Variants in INTS1 observed in about 807,000 individuals in gnomAD.
INTS1 encodes integrator complex subunit 1.
In INTS1, 137 loss-of-function variants were observed where a neutral mutation model predicts 241.6. The ratio of observed to expected loss-of-function variants is 0.57; its 90% CI spans 0.49 to 0.65. The LOEUF is 0.65. Among genes scored for constraint, INTS1 ranks in the 30% least tolerant of loss-of-function variants. The probability of loss-of-function intolerance (pLI) is 0.00; values close to 1 mark genes in which losing one functional copy is unlikely to be tolerated. For missense variants in INTS1, 3,073 were observed against 3,032.2 expected (o/e 1.01, Z -0.32); for synonymous variants, 1,692 against 1,337.8 (o/e 1.26, Z -5.78).
At chr7:1,495,389 T>A in intron 13 of INTS1, 44 bp downstream of exon 13, 1 of 1,578,622 alleles carries the variant, frequency 6.3e-7, no homozygotes, top group Non-Finnish European at 8.6e-7. Context: ...TTGTCCCGGC[T>A]CAGTGGGGTG....
At position 1,498,995 on chromosome 7, in the gene INTS1, T is replaced by C; in HGVS notation, c.1117A>G (p.Met373Val). Residue 373 changes from methionine (M) to valine (V), a missense_variant, in exon 8 of 48, where the codon ATG becomes GTG. Transcript: ENST00000404767. ...CGCACCTTGGGGTTCTGCAGCCACA[T>C]CTCCAGCTTCTGCACCGCCAGCAGC... ...VRLLAVQKLE[M>V]WLQNPKLTRP... 1 of 1,283,330 alleles carries C rather than the reference T, an allele frequency of 7.8e-7. No homozygotes were observed. The highest frequency in any genetic ancestry group is 1.0e-6 in the Non-Finnish European group (1 of 988,862). 79.5% of individuals were successfully genotyped at this position (1,283,330 alleles called of 1,614,324 possible). A position where few individuals can be genotyped will look rare whatever the true frequency, so the allele number is the denominator to read the frequency against.
Position 1,477,956 on chromosome 7 carries a change from AC to A in INTS1, c.4631-21del. Reference sequence around the variant, plus strand: ...GGAGGACTGCGCAAGGGACAAAGAGACATGTGGGTCACTCCCAGGTCGGGTG... The same window carrying A: ...GGAGGACTGCGCAAGGGACAAAGAGAATGTGGGTCACTCCCAGGTCGGGTG... On this transcript the variant is annotated intron_variant, in intron 33 of 47. Transcript: ENST00000404767. 6.2e-7 allele frequency: 1 copy of A among 1,609,742 alleles called. No homozygotes were observed.
chr7:1,485,629 A>G, intron 22 of INTS1, 160 bp from the exon 23 acceptor site: 2 of 702,228 alleles, frequency 2.8e-6, no homozygotes, highest in Non-Finnish European at 4.6e-6. Flanking sequence ...AACGAGACTG[A>G]GCTCTTTCTG....
intron 39 of INTS1, 39 bp from the exon 40 acceptor site, chr7:1,474,877 C>G (rs763765156): frequency 4.5e-6 from 7 of 1,543,968 alleles, no homozygotes; most frequent in Admixed American, 3.9e-5. Context: ...GCCGCTGGCT[C>G]CCCTCACTTG....
At position 1,504,320 on chromosome 7, in the gene INTS1, T is replaced by G; in HGVS notation, c.-42+3A>C. The G allele has an allele frequency of 7.7e-6, 4 of 516,874 alleles. No individual in the cohort carries two copies. Among genetic ancestry groups the G allele is most frequent in the Non-Finnish European group, 1.1e-5 (3 of 271,726 alleles). The allele number at this position is 516,874 out of a possible 1,614,324, so 32.0% of individuals were successfully genotyped here. On this transcript the variant is annotated splice_donor_region_variant and intron_variant, in intron 1 of 47. Coordinates refer to ENST00000404767, the MANE Select transcript of INTS1 (RefSeq NM_001080453.3). ...GGAAGCGCCCAGGCCGCGGCTCACT[T>G]ACCTCTGGCCCATCGCGACCGGAGC...
chr7:1,480,835 C>T lies in INTS1; in HGVS notation c.3949G>A (p.Asp1317Asn). 6.4e-7 allele frequency: 1 copy of T among 1,550,652 alleles called. No individual in the cohort carries two copies. Among genetic ancestry groups the T allele is most frequent in the Non-Finnish European group, 8.7e-7 (1 of 1,147,944 alleles). The part of the protein sequence containing the change: ...LLTASLPPRR[D>N]STEAPKPKSS... The stretch of plus-strand genomic sequence containing the variant: ...TGCTGGCCCCACCCCTCCCCAGTAC[C>T]TCGGCGGGGCGGCAGGGAGGCTGTG... The change falls in exon 29 of 48, where the codon GAC becomes AAC. Residue 1317 changes from aspartate (D) to asparagine (N), a missense_variant and splice_region_variant. Asp to Asn is a conservative substitution (Grantham distance 23). Coordinates refer to ENST00000404767, the MANE Select transcript of INTS1 (RefSeq NM_001080453.3).
chr7:1,498,264 G>GT (rs1782959397), intron 10 of INTS1, 148 bp downstream of exon 10: 1 of 1,246,286 alleles, frequency 8.0e-7, no homozygotes, highest in South Asian at 1.4e-5. Flanking sequence ...TCATGCCCAC[G>GT]TGAGTTTCAA....
intron 31 of INTS1, 145 bp from the exon 32 acceptor site, chr7:1,479,030 TC>T (rs1416591914): frequency 1.1e-6 from 1 of 927,488 alleles, no homozygotes; most frequent in Non-Finnish European, 1.6e-6. Flanking sequence ...CCGCCTCCTG[TC>T]TGAAACGGTG....
chr7:1,471,382 G>T (rs1234223497), intron 45 of INTS1, among the ~76,000 whole-genome samples, 158 bp from the exon 46 acceptor site: 1 of 152,146 alleles, frequency 6.6e-6, no homozygotes, highest in Admixed American at 6.5e-5. Context: ...TCCCAGCCCG[G>T]GGCTGAAGGC....
chr7:1,473,971 G>A (rs1408319347), intron 41 of INTS1, among the ~76,000 whole-genome samples, 197 bp downstream of exon 41: 2 of 152,256 alleles, frequency 1.3e-5, no homozygotes, highest in East Asian at 3.9e-4. Flanking sequence ...GGCTTCTGAA[G>A]GACGTGGGCC....
At chr7:1,494,643 G>A (rs1223441769) in intron 14 of INTS1, 173 bp downstream of exon 14, 3 of 676,940 alleles carry the variant, frequency 4.4e-6, no homozygotes, top group Non-Finnish European at 7.7e-6. Flanking sequence ...TGGGACGCCA[G>A]CATGGGAGTG....
At chr7:1,494,188 C>T (rs747883118) in intron 14 of INTS1, among the ~76,000 whole-genome samples, 3 of 152,230 alleles carry the variant, frequency 2.0e-5, no homozygotes, top group African/African-American at 7.2e-5. Context: ...AACCACCACA[C>T]GGAGACTCTG....
chr7:1,497,381 G>A lies in INTS1; in HGVS notation c.1426-67C>T, dbSNP rs564672636. 7.5e-5 allele frequency: 114 copies of A among 1,517,176 alleles called. 1 individual carries two copies. Among genetic ancestry groups the A allele is most frequent in the Non-Finnish European group, 3.7e-5 (42 of 1,125,544 alleles). 94.0% of individuals were successfully genotyped at this position (1,517,176 alleles called of 1,614,324 possible). A position where few individuals can be genotyped will look rare whatever the true frequency, so the allele number is the denominator to read the frequency against. ...CTGTCCCTGTCACAGGCCCCTTCCC[G>A]CAGCACCAACAGGTATGGCGCCCGA... On this transcript the variant is annotated intron_variant, in intron 10 of 47. Coordinates refer to ENST00000404767, the MANE Select transcript of INTS1 (RefSeq NM_001080453.3). This position sits in a 1 kb window ranked among gnomAD's most constrained non-coding sequence, Gnocchi z 5.3.
At chr7:1,490,949 G>C (rs1782518551) in intron 16 of INTS1, among the ~76,000 whole-genome samples, 1 of 152,164 alleles carries the variant, frequency 6.6e-6, no homozygotes, top group South Asian at 2.1e-4. Flanking sequence ...CTCAAACTTG[G>C]GCGCAACAGG....
At position 1,476,600 on chromosome 7, in the gene INTS1, G is replaced by A. The variant is rs770985626; in HGVS notation, c.5121C>T (p.Ile1707=). ...FLWACIHVPR[I]WQGRDQRTPQ... The stretch of plus-strand genomic sequence containing the variant: ...GGGTGCGCTGGTCCCGCCCCTGCCA[G>A]ATGCGAGGAACATGGATGCAGGCCC... The change falls in exon 37 of 48, where the codon ATC becomes ATT. Residue 1707 remains isoleucine (I), a synonymous_variant. Transcript: ENST00000404767. The A allele has an allele frequency of 8.1e-6, 13 of 1,612,322 alleles. No homozygotes were observed. The South Asian group carries it at 1.1e-4, about 14-fold the overall frequency.
Position 1,497,021 on chromosome 7 carries a change from C to A in INTS1, c.1602+117G>T. On this transcript the variant is annotated intron_variant, in intron 11 of 47. Coordinates refer to ENST00000404767, the MANE Select transcript of INTS1 (RefSeq NM_001080453.3). The surrounding 1 kb of genome is among the most constrained non-coding windows in gnomAD (Gnocchi z 5.3). ...CAAACAGCCTCACTCATCCCCGTAC[C>A]CACGCTCAGCCAGAGCATCCGAAGG... The A allele has an allele frequency of 1.9e-6, 2 of 1,058,252 alleles. No individual in the cohort carries two copies. The highest frequency in any genetic ancestry group is 3.3e-5 in the South Asian group (2 of 61,048). The allele number at this position is 1,058,252 out of a possible 1,614,324, so 65.6% of individuals were successfully genotyped here.
At chr7:1,484,496 A>G (rs981796213) in intron 24 of INTS1, among the ~76,000 whole-genome samples, 5 of 152,218 alleles carry the variant, frequency 3.3e-5, no homozygotes, top group Non-Finnish European at 5.9e-5. Flanking sequence ...ACTAGGTCAC[A>G]GCGCAGGTTG....
At position 1,476,787 on chromosome 7, in the gene INTS1, C is replaced by T. The variant is rs776435543; in HGVS notation, c.5063+7G>A. On this transcript the variant is annotated splice_region_variant and intron_variant, in intron 36 of 47. Transcript: ENST00000404767. Reference sequence around the variant, plus strand: ...GCAGCCCAGGTTGGGGACAGGGAGGCGCCCACCTCTGTTCCCGGCTCTTGC... The same window carrying T: ...GCAGCCCAGGTTGGGGACAGGGAGGTGCCCACCTCTGTTCCCGGCTCTTGC... 5.1e-5 allele frequency: 82 copies of T among 1,612,472 alleles called. No homozygotes were observed. Among genetic ancestry groups the T allele is most frequent in the Admixed American group, 2.0e-4 (12 of 59,978 alleles).
rs1781976418 is a variant in INTS1, at chr7:1,481,186, C to G, written c.3850+156G>C. 6.6e-6 allele frequency: 6 copies of G among 902,640 alleles called. No individual in the cohort carries two copies. In the South Asian group the frequency reaches 8.5e-5, roughly 13 times the overall value. The allele number at this position is 902,640 out of a possible 1,614,324, so 55.9% of individuals were successfully genotyped here. A position where few individuals can be genotyped will look rare whatever the true frequency, so the allele number is the denominator to read the frequency against. On this transcript the variant is annotated intron_variant, in intron 28 of 47. Coordinates refer to ENST00000404767, the MANE Select transcript of INTS1 (RefSeq NM_001080453.3). The surrounding 1 kb of genome is among the most constrained non-coding windows in gnomAD (Gnocchi z 6.8). ...TCGGCTCCCTCCTGACTGTGCCAGCCTCACCAACCCACAGGTCTAAGCCTG... is the reference window on the plus strand; with the variant it reads ...TCGGCTCCCTCCTGACTGTGCCAGCGTCACCAACCCACAGGTCTAAGCCTG...
Sources: allele counts gnomAD v4.1 joint callset (sites outside exome capture counted in the v4.1 genomes callset), GRCh38; gene constraint gnomAD v4.1.1; non-coding constraint Gnocchi (gnomAD v3.1); transcripts MANE v1.5; gene names NCBI Gene and HGNC (gene_info 2026-07-23, HGNC 2026-07-21).